Variants in ARAP2 observed in about 807,000 individuals in gnomAD.
ARAP2 encodes the protein ArfGAP with RhoGAP domain, ankyrin repeat and PH domain 2, also known as arf-GAP with Rho-GAP domain, ANK repeat and PH domain-containing protein 2.
ARAP2 carries 148 observed loss-of-function variants against 194.5 expected under a neutral mutation model. That is an observed-to-expected ratio of 0.76 (90% CI 0.67 to 0.87). The LOEUF (loss-of-function observed/expected upper bound fraction) is 0.87, where lower values mean the gene tolerates loss of function less well. Ranked by LOEUF, ARAP2 falls within the 40% of genes least tolerant of loss-of-function variation. ARAP2 has a pLI of 0.00. For missense variants in ARAP2, 2,128 were observed against 1,989.7 expected (o/e 1.07, Z -1.32); for synonymous variants, 695 against 683.5 (o/e 1.02, Z -0.26).
At chr4:36,167,728 T>C (rs1220445990) in intron 9 of ARAP2, among the ~76,000 whole-genome samples, 1 of 152,196 alleles carries the variant, frequency 6.6e-6, no homozygotes, top group African/African-American at 2.4e-5. Flanking sequence ...GTATAAAAAC[T>C]GCCATTTGTT....
intron 23 of ARAP2, among the ~76,000 whole-genome samples, chr4:36,120,777 C>T (rs771333956): frequency 6.6e-6 from 1 of 151,552 alleles, no homozygotes; most frequent in African/African-American, 2.4e-5. Context: ...TTGTTTCCAA[C>T]TGGGGACACA....
intron 5 of ARAP2, among the ~76,000 whole-genome samples, chr4:36,031,813 C>T (rs892417187): frequency 6.6e-6 from 1 of 151,944 alleles, no homozygotes; most frequent in Non-Finnish European, 1.5e-5. Flanking sequence ...GGATTACAGG[C>T]GCCCGCCACC....
intron 5 of ARAP2, among the ~76,000 whole-genome samples, chr4:36,020,161 A>T (rs1428137399): frequency 6.6e-6 from 1 of 152,228 alleles, no homozygotes; most frequent in Non-Finnish European, 1.5e-5. Context: ...CTGTAAGCCC[A>T]GCAATTTGGG....
Position 36,068,138 on chromosome 4 carries a change from T to A in ARAP2, c.4884A>T (p.Arg1628=). The A allele has an allele frequency of 2.5e-6, 4 of 1,614,172 alleles. No individual in the cohort carries two copies. The South Asian group carries it at 4.4e-5, about 18-fold the overall frequency. The change falls in exon 33 of 33, where the codon CGA becomes CGT. Residue 1628 remains arginine, a synonymous_variant. Coordinates refer to ENST00000303965, the MANE Select transcript of ARAP2 (RefSeq NM_015230.4). The part of the protein sequence containing the change: ...HKDDKLRNRP[R]KHRSFNCLED... Reference sequence around the variant, plus strand: ...CCAGGCAGTTGAAACTCCGATGTTTTCGGGGTCGATTTCGAAGTTTATCGT... The same window carrying A: ...CCAGGCAGTTGAAACTCCGATGTTTACGGGGTCGATTTCGAAGTTTATCGT...
intron 8 of ARAP2, among the ~76,000 whole-genome samples, chr4:36,186,470 A>T (rs1740596496): frequency 6.6e-6 from 1 of 152,228 alleles, no homozygotes; most frequent in African/African-American, 2.4e-5. Flanking sequence ...AGATGCTCCA[A>T]AATCTACCAT....
intron 20 of ARAP2, among the ~76,000 whole-genome samples, chr4:36,129,033 T>G (rs1724716102): frequency 6.6e-6 from 1 of 151,964 alleles, no homozygotes; most frequent in African/African-American, 2.4e-5. Context: ...TTTCTTAAAG[T>G]GCCCTATCTT....
intron 27 of ARAP2, among the ~76,000 whole-genome samples, chr4:36,095,608 G>A (rs1036381273): frequency 6.6e-6 from 1 of 152,124 alleles, no homozygotes; most frequent in South Asian, 2.1e-4. Flanking sequence ...AACAGCAATT[G>A]TATTTCATGG....
intron 7 of ARAP2, chr4:36,015,712 T>C (rs1023059335): frequency 4.6e-5 from 7 of 152,238 alleles, no homozygotes; most frequent in African/African-American, 1.4e-4. Context: ...AAGTTTGTTA[T>C]TAGCAAAGCA....
chr4:36,048,579 G>A (rs1294591756), intron 3 of ARAP2, among the ~76,000 whole-genome samples: 2 of 152,072 alleles, frequency 1.3e-5, no homozygotes, highest in African/African-American at 4.8e-5. Context: ...TGATATACAT[G>A]AATCATATTT....
intron 30 of ARAP2, among the ~76,000 whole-genome samples, chr4:36,081,453 T>C (rs912047431): frequency 2.0e-5 from 3 of 152,150 alleles, no homozygotes; most frequent in Non-Finnish European, 4.4e-5. Flanking sequence ...AGATAGATGA[T>C]TGTTTTGTCA....
At chr4:36,126,417 T>G (rs913750696) in intron 21 of ARAP2, among the ~76,000 whole-genome samples, 1 of 151,960 alleles carries the variant, frequency 6.6e-6, no homozygotes, top group African/African-American at 2.4e-5. Context: ...TCAGGCCATA[T>G]AGAAAATACA....
intron 4 of ARAP2, chr4:36,046,226 C>CAGGCTGG (rs1721810415): frequency 6.5e-6 from 1 of 154,454 alleles, no homozygotes; most frequent in Non-Finnish European, 1.4e-5. Flanking sequence ...CTCTGTCACC[C>CAGGCTGG]AGGCTGGAGT....
At chr4:36,080,186 T>C (rs1318681030) in intron 31 of ARAP2, 30 bp downstream of exon 31, 1 of 1,573,010 alleles carries the variant, frequency 6.4e-7, no homozygotes, top group South Asian at 1.1e-5. Context: ...GTTATTATAC[T>C]CTACTGGATA....
intron 3 of ARAP2, among the ~76,000 whole-genome samples, chr4:36,050,397 C>A (rs544589135): frequency 6.6e-6 from 1 of 152,198 alleles, no homozygotes; most frequent in South Asian, 2.1e-4. Flanking sequence ...GGAATTCTCT[C>A]GCAAAATAAG....
chr4:36,215,839 G>A (rs1376697786), intron 2 of ARAP2, among the ~76,000 whole-genome samples: 3 of 79,890 alleles, frequency 3.8e-5, no homozygotes, highest in Non-Finnish European at 7.2e-5. Flanking sequence ...AACAAAGCAA[G>A]ACTTTGTCTC....
chr4:36,106,513 T>C (rs1407924942), intron 27 of ARAP2, among the ~76,000 whole-genome samples: 2 of 151,936 alleles, frequency 1.3e-5, no homozygotes, highest in Non-Finnish European at 2.9e-5. Flanking sequence ...GTTTATATGA[T>C]AAGCTTTGGT....
intron 32 of ARAP2, among the ~76,000 whole-genome samples, chr4:36,070,477 G>T (rs1726580881): frequency 6.6e-6 from 1 of 152,242 alleles, no homozygotes; most frequent in South Asian, 2.1e-4. Flanking sequence ...GGGAAAACCA[G>T]TTGTTTGAAC....
chr4:36,219,528 A>G (rs1440629540), intron 2 of ARAP2, among the ~76,000 whole-genome samples: 1 of 152,212 alleles, frequency 6.6e-6, no homozygotes, highest in Non-Finnish European at 1.5e-5. Context: ...AAATGGTCAC[A>G]AGAGAATTTT....
intron 20 of ARAP2, among the ~76,000 whole-genome samples, chr4:36,129,425 T>G (rs1724844823): frequency 6.6e-6 from 1 of 151,952 alleles, no homozygotes; most frequent in Non-Finnish European, 1.5e-5. Context: ...CAATCTTGCT[T>G]CTCTGCCCAA....
Sources: gnomAD v4.1 joint callset for allele counts (sites outside exome capture counted in the v4.1 genomes callset) on GRCh38, gnomAD v4.1.1 for gene constraint, MANE v1.5 for transcripts, NCBI Gene and HGNC (gene_info 2026-07-23, HGNC 2026-07-21) for gene names.